The following LPP variants were observed in gnomAD, a reference collection of about 807,000 sequenced individuals.
LPP encodes LIM domain containing preferred translocation partner in lipoma.
In LPP, 38 loss-of-function variants were observed where a neutral mutation model predicts 60.4. The ratio of observed to expected loss-of-function variants is 0.63; its 90% CI spans 0.49 to 0.83. The LOEUF (loss-of-function observed/expected upper bound fraction) is 0.83. Among genes scored for constraint, LPP ranks in the 40% least tolerant of loss-of-function variants. The probability of loss-of-function intolerance (pLI) is 0.00; values close to 1 mark genes in which losing one functional copy is unlikely to be tolerated. For missense variants in LPP, 902 were observed against 783.6 expected (o/e 1.15, Z -1.80); for synonymous variants, 328 against 290.8 (o/e 1.13, Z -1.30).
At chr3:188,676,311 G>A (rs974531428) in intron 7 of LPP, among the ~76,000 whole-genome samples, 1 of 152,136 alleles carries the variant, frequency 6.6e-6, no homozygotes, top group Admixed American at 6.5e-5. Context: ...AGGGCAGCCA[G>A]CGGGTACAAG....
At chr3:188,544,351 C>T (rs1825974213) in intron 6 of LPP, among the ~76,000 whole-genome samples, 1 of 152,142 alleles carries the variant, frequency 6.6e-6, no homozygotes, top group Non-Finnish European at 1.5e-5. Context: ...TATATGGTTA[C>T]CCAGTTTATA....
chr3:188,870,799 G>A (rs1263024959), intron 10 of LPP, among the ~76,000 whole-genome samples: 3 of 152,106 alleles, frequency 2.0e-5, no homozygotes, highest in East Asian at 1.9e-4. Flanking sequence ...CTGCCTCTTC[G>A]CTTTGGTTTT....
intron 7 of LPP, among the ~76,000 whole-genome samples, chr3:188,674,468 A>C (rs1266194567): frequency 6.6e-6 from 1 of 152,176 alleles, no homozygotes. Flanking sequence ...ATCTTTTAGC[A>C]TACCACAATG....
intron 7 of LPP, among the ~76,000 whole-genome samples, chr3:188,613,314 A>ACCTATATCTATATCTATATC (rs1553944283): frequency 2.1e-5 from 3 of 144,392 alleles, no homozygotes; most frequent in Non-Finnish European, 3.1e-5. Context: ...CTATATCTAT[A>ACCTATATCTATATCTATATC]TATATCGCTG....
At chr3:188,669,664 G>A (rs1032021674) in intron 7 of LPP, among the ~76,000 whole-genome samples, 5 of 152,154 alleles carry the variant, frequency 3.3e-5, no homozygotes, top group African/African-American at 4.8e-5. Flanking sequence ...TATACTGTTG[G>A]TGGGAGTTCA....
At chr3:188,354,311 T>C (rs1006043994) in intron 3 of LPP, among the ~76,000 whole-genome samples, 4 of 152,178 alleles carry the variant, frequency 2.6e-5, no homozygotes, top group South Asian at 2.1e-4. Flanking sequence ...TCATGCTTCT[T>C]TTTTGTACCT....
At chr3:188,644,536 A>G (rs1395273040) in intron 7 of LPP, among the ~76,000 whole-genome samples, 1 of 152,162 alleles carries the variant, frequency 6.6e-6, no homozygotes, top group Non-Finnish European at 1.5e-5. Context: ...ACAAAAAAGT[A>G]TATTTTCAAT....
At position 188,563,716 on chromosome 3, in the gene LPP, GT is replaced by G. The variant is rs1221169866; in HGVS notation, c.429+38930del. On this transcript the variant is annotated intron_variant, in intron 6 of 11. Coordinates refer to ENST00000617246, the MANE Select transcript of LPP (RefSeq NM_001375462.1). ...TGTGAATCCAGAATTGGAATTGCTT[GT>G]GTTTTTTTTTGTTTTTTTTTTGTTT... Among the ~76,000 whole-genome samples, 56 of 108,046 alleles carry G rather than the reference GT, an allele frequency of 5.2e-4. 1 individual carries two copies. Among genetic ancestry groups the G allele is most frequent in the Admixed American group, 4.8e-3 (53 of 11,108 alleles). The allele number at this position is 108,046 out of a possible 152,430, so 70.9% of individuals were successfully genotyped here.
chr3:188,176,135 C>T (rs1198830096), intron 1 of LPP, among the ~76,000 whole-genome samples: 1 of 151,982 alleles, frequency 6.6e-6, no homozygotes, highest in Non-Finnish European at 1.5e-5. Context: ...TTCTCAAACT[C>T]GAAGGAACAT....
chr3:188,752,407 C>CA (rs1354707751), intron 8 of LPP, among the ~76,000 whole-genome samples: 1 of 152,154 alleles, frequency 6.6e-6, no homozygotes, highest in Non-Finnish European at 1.5e-5. Flanking sequence ...TAGCTAGTAA[C>CA]AAAGGCAAGA....
intron 4 of LPP, among the ~76,000 whole-genome samples, chr3:188,461,579 GA>G (rs1223446344): frequency 2.0e-5 from 3 of 152,114 alleles, no homozygotes; most frequent in Non-Finnish European, 4.4e-5. Flanking sequence ...ATCTCCCCAT[GA>G]AAAACACCAT....
chr3:188,226,649 G>A (rs9840930), intron 2 of LPP, among the ~76,000 whole-genome samples: 38 of 152,138 alleles, frequency 2.5e-4, no homozygotes, highest in African/African-American at 9.2e-4. Context: ...CTGATTCGAT[G>A]GTCCCCATTG....
chr3:188,158,832 C>T (rs993764020), intron 1 of LPP, among the ~76,000 whole-genome samples: 7 of 152,174 alleles, frequency 4.6e-5, no homozygotes, highest in Non-Finnish European at 1.0e-4. Context: ...AAGCTCAAAT[C>T]GACATTGCTT....
At chr3:188,723,984 T>G (rs1400484581) in intron 8 of LPP, among the ~76,000 whole-genome samples, 1 of 152,176 alleles carries the variant, frequency 6.6e-6, no homozygotes, top group Non-Finnish European at 1.5e-5. Flanking sequence ...TTTTTAAATA[T>G]CTTTGTGCCA....
chr3:188,229,441 C>T (rs1577404195), intron 2 of LPP, among the ~76,000 whole-genome samples: 1 of 152,188 alleles, frequency 6.6e-6, no homozygotes, highest in East Asian at 1.9e-4. Context: ...TTAGTCTCTG[C>T]CGGAAGCAAA....
At chr3:188,834,447 C>T (rs1757911785) in intron 9 of LPP, among the ~76,000 whole-genome samples, 2 of 147,834 alleles carry the variant, frequency 1.4e-5, no homozygotes, top group Admixed American at 7.0e-5. Flanking sequence ...GGTTCCTTGA[C>T]GTTCCATTGG....
At chr3:188,874,074 CTCT>C (rs1036516435) in intron 11 of LPP, among the ~76,000 whole-genome samples, 1 of 135,476 alleles carries the variant, frequency 7.4e-6, no homozygotes, top group Non-Finnish European at 1.8e-5. Flanking sequence ...GTGGCCTCTT[CTCT>C]TCTTATACCT....
At chr3:188,791,344 C>A (rs781778270) in intron 9 of LPP, among the ~76,000 whole-genome samples, 9 of 152,174 alleles carry the variant, frequency 5.9e-5, no homozygotes, top group Non-Finnish European at 1.2e-4. Context: ...TCTGTTGCTT[C>A]CCTATTTAAA....
chr3:188,704,494 A>T lies in LPP; in HGVS notation c.1114-3773A>T, dbSNP rs574959654. Among the ~76,000 whole-genome samples, 12 of 152,212 alleles carry T rather than the reference A, an allele frequency of 7.9e-5. No homozygotes were observed. In the South Asian group the frequency reaches 2.5e-3, roughly 32 times the overall value. ...CAAATCTCTGTCTCTAACCTTAATG[A>T]TACTGCCGTATAATGTATTCCTTTA... On this transcript the variant is annotated intron_variant, in intron 7 of 11. Coordinates refer to ENST00000617246, the MANE Select transcript of LPP (RefSeq NM_001375462.1).
Sources: gnomAD v4.1 joint callset for allele counts (sites outside exome capture counted in the v4.1 genomes callset) on GRCh38, gnomAD v4.1.1 for gene constraint, MANE v1.5 for transcripts, NCBI Gene and HGNC (gene_info 2026-07-23, HGNC 2026-07-21) for gene names.